Variants in SIPA1L1 observed in about 807,000 individuals in gnomAD.
SIPA1L1 encodes signal-induced proliferation-associated 1-like protein 1.
In SIPA1L1, 26 loss-of-function variants were observed where a neutral mutation model predicts 162.7. The ratio of observed to expected loss-of-function variants is 0.16; its 90% confidence interval spans 0.12 to 0.22. The LOEUF is 0.22. Among genes scored for constraint, SIPA1L1 ranks in the 10% least tolerant of loss-of-function variants. SIPA1L1 has a pLI of 1.00. For missense variants in SIPA1L1, 1,874 were observed against 2,241.0 expected (o/e 0.84, Z 3.31); for synonymous variants, 829 against 837.4 (o/e 0.99, Z 0.17).
chr14:71,543,988 T>C (rs182686218), intron 4 of SIPA1L1, among the ~76,000 whole-genome samples: 246 of 149,808 alleles, frequency 1.6e-3, no homozygotes, highest in Non-Finnish European at 2.9e-3. Flanking sequence ...CGCACATGTA[T>C]ATATACACAC....
chr14:71,330,261 G>A (rs1332811163), intron 2 of SIPA1L1: 1 of 691,474 alleles, frequency 1.4e-6, no homozygotes, highest in African/African-American at 1.8e-5. Context: ...GGGGCTGAAA[G>A]TAGAAGTGGC....
intron 4 of SIPA1L1, among the ~76,000 whole-genome samples, chr14:71,556,040 C>T (rs894186723): frequency 2.8e-4 from 43 of 152,138 alleles, no homozygotes; most frequent in Non-Finnish European, 6.0e-4. Context: ...GAAGTGAGCA[C>T]ATGCTGTTGG....
chr14:71,529,249 C>G (rs987041034), intron 3 of SIPA1L1, 63 bp from the exon 4 acceptor site: 14 of 547,740 alleles, frequency 2.6e-5, no homozygotes, highest in Non-Finnish European at 4.3e-5. Context: ...AGTTATACAG[C>G]TATTGTATTT....
intron 2 of SIPA1L1, among the ~76,000 whole-genome samples, chr14:71,494,933 C>A (rs1047051193): frequency 6.6e-6 from 1 of 152,208 alleles, no homozygotes; most frequent in African/African-American, 2.4e-5. Context: ...GCCACTGCGC[C>A]TGGCTCAGGC....
At chr14:71,442,077 G>A (rs1018878057) in intron 2 of SIPA1L1, among the ~76,000 whole-genome samples, 3 of 150,656 alleles carry the variant, frequency 2.0e-5, no homozygotes, top group African/African-American at 7.4e-5. Flanking sequence ...GGAGGCTGAG[G>A]CAGGGGAATG....
At chr14:71,477,925 AC>A (rs563420694) in intron 2 of SIPA1L1, among the ~76,000 whole-genome samples, 4 of 152,186 alleles carry the variant, frequency 2.6e-5, no homozygotes, top group Non-Finnish European at 4.4e-5. Context: ...TTTCTGAGGA[AC>A]TTTGAAATTA....
At chr14:71,471,210 C>G (rs1200894370) in intron 2 of SIPA1L1, among the ~76,000 whole-genome samples, 2 of 152,150 alleles carry the variant, frequency 1.3e-5, no homozygotes, top group African/African-American at 4.8e-5. Context: ...TTGGCTCATG[C>G]CTGTAATCCC....
intron 17 of SIPA1L1, among the ~76,000 whole-genome samples, chr14:71,710,823 A>G (rs2082822302): frequency 6.7e-6 from 1 of 148,468 alleles, no homozygotes; most frequent in South Asian, 2.1e-4. Context: ...AAAAAAAAAA[A>G]AAGAAAGAAA....
At chr14:71,618,635 GT>G (rs1251947419) in intron 5 of SIPA1L1, 121 bp from the exon 6 acceptor site, 3 of 864,398 alleles carry the variant, frequency 3.5e-6, no homozygotes, top group Non-Finnish European at 1.7e-6. Context: ...ATTAATATTT[GT>G]TAAATGTTTA....
chr14:71,589,181 G>A lies in SIPA1L1; in HGVS notation c.1309G>A (p.Gly437Ser). ...AATCAGCCTTTCAAAATCAAATTCT[G>A]GCTCCTTTAGTGGATGTGAAAGTGC... is the stretch of plus-strand genomic sequence containing the variant. Reference protein sequence around the residue: ...RKISLSKSNSGSFSGCESASF... With the variant: ...RKISLSKSNSSSFSGCESASF... The change falls in exon 5 of 24, where the codon GGC becomes AGC. Residue 437 changes from glycine (G) to serine (S), a missense_variant. Physicochemically the swap from Gly to Ser is moderately conservative, Grantham distance 56. Around this residue, in one of 5 missense-constraint regions of SIPA1L1, gnomAD observed 685 missense variants for 828.0 expected, o/e 0.83. Transcript: ENST00000381232. 6.2e-7 allele frequency: 1 copy of A among 1,614,050 alleles called. No individual in the cohort carries two copies. The highest frequency in any genetic ancestry group is 8.5e-7 in the Non-Finnish European group (1 of 1,179,938).
chr14:71,724,583 T>C lies in SIPA1L1; in HGVS notation c.4449-87T>C, dbSNP rs551696672. On this transcript the variant is annotated intron_variant, in intron 18 of 23. Transcript: ENST00000381232. ...CACATAATATTTCTCTATTGACTTA[T>C]ATTGACTTACATCCTTTAGAGCCCA... 7.6e-5 allele frequency: 78 copies of C among 1,032,484 alleles called. 1 individual carries two copies. In the Middle Eastern group the frequency reaches 8.9e-4, roughly 12 times the overall value. The allele number at this position is 1,032,484 out of a possible 1,614,324, so 64.0% of individuals were successfully genotyped here.
intron 5 of SIPA1L1, among the ~76,000 whole-genome samples, chr14:71,590,021 TAAAAAAAAAAAAA>T (rs200463823): frequency 1.9e-4 from 16 of 85,102 alleles, no homozygotes; most frequent in South Asian, 3.4e-4. Context: ...AGTGGGAGAG[TAAAAAAAAAAAAA>T]AAAAAAAAAA....
chr14:71,648,159 G>A lies in SIPA1L1; in HGVS notation c.1819-2176G>A, dbSNP rs930507165. Among the ~76,000 whole-genome samples, 49 of 152,172 alleles carry A rather than the reference G, an allele frequency of 3.2e-4. 1 individual carries two copies. The Middle Eastern group carries it at 0.01, about 32-fold the overall frequency. On this transcript the variant is annotated intron_variant, in intron 7 of 23. Coordinates refer to ENST00000381232, the MANE Select transcript of SIPA1L1 (RefSeq NM_001386936.1). ...ACAAAAATTAGCCAGGCCTGGTGGC[G>A]CATGCCTGTAATACCAGCTACTTGG...
intron 4 of SIPA1L1, among the ~76,000 whole-genome samples, chr14:71,576,912 G>A (rs139895647): frequency 0.017 from 2,514 of 151,998 alleles, 74 homozygotes; most frequent in African/African-American, 0.052. Context: ...GTGAAACCCC[G>A]TCTCTATTAA....
chr14:71,589,518 T>C (rs1370393593), intron 5 of SIPA1L1, 148 bp downstream of exon 5: 5 of 569,728 alleles, frequency 8.8e-6, no homozygotes, highest in Non-Finnish European at 1.5e-5. Context: ...AACCATTTGC[T>C]CAATTTATTT....
intron 3 of SIPA1L1, among the ~76,000 whole-genome samples, chr14:71,523,552 A>C (rs78244464): frequency 2.0e-5 from 3 of 151,914 alleles, no homozygotes; most frequent in African/African-American, 7.3e-5. Flanking sequence ...TTTTTTATCA[A>C]CTCTTCCAAT....
At chr14:71,335,846 G>C (rs1450751149) in intron 2 of SIPA1L1, among the ~76,000 whole-genome samples, 2 of 152,142 alleles carry the variant, frequency 1.3e-5, no homozygotes, top group African/African-American at 4.8e-5. Context: ...CAGCCTCTAA[G>C]AAACTGAACC....
chr14:71,660,652 A>C (rs928507596), intron 9 of SIPA1L1, among the ~76,000 whole-genome samples: 8 of 152,174 alleles, frequency 5.3e-5, no homozygotes, highest in African/African-American at 1.9e-4. Flanking sequence ...ACACTATTGA[A>C]TTAACTGCTG....
intron 13 of SIPA1L1, among the ~76,000 whole-genome samples, chr14:71,690,204 C>T (rs2081157434): frequency 6.6e-6 from 1 of 152,090 alleles, no homozygotes; most frequent in African/African-American, 2.4e-5. Context: ...TGGGAATGCT[C>T]CAGCTAGGTC....
Sources: gnomAD v4.1 joint callset for allele counts (sites outside exome capture counted in the v4.1 genomes callset) on GRCh38, gnomAD v4.1.1 for gene constraint, gnomAD v4.1.1 regional missense constraint, MANE v1.5 for transcripts, NCBI Gene and HGNC (gene_info 2026-07-23, HGNC 2026-07-21) for gene names.